SPAG16: variants seen among roughly 807,000 people sequenced by gnomAD.
The protein encoded by SPAG16 is sperm-associated antigen 16 protein.
SPAG16 carries 86 observed loss-of-function variants against 80.4 expected under a neutral mutation model. That is an observed-to-expected ratio of 1.07 (90% CI 0.90 to 1.28). The LOEUF (loss-of-function observed/expected upper bound fraction) is 1.28. Among genes scored for constraint, SPAG16 ranks in the 50% most tolerant of loss-of-function variants. The probability of loss-of-function intolerance (pLI) is 0.00; values close to 1 mark genes in which losing one functional copy is unlikely to be tolerated. For missense variants in SPAG16, 870 were observed against 765.3 expected (o/e 1.14, Z -1.61); for synonymous variants, 294 against 265.9 (o/e 1.11, Z -1.03).
intron 10 of SPAG16, among the ~76,000 whole-genome samples, chr2:213,591,757 A>G (rs1318680148): frequency 6.6e-6 from 1 of 152,166 alleles, no homozygotes; most frequent in African/African-American, 2.4e-5. Context: ...AAGAAGAAAC[A>G]TGAGGAGTAA....
chr2:214,127,629 A>G (rs1381561381), intron 14 of SPAG16, among the ~76,000 whole-genome samples: 2 of 151,846 alleles, frequency 1.3e-5, no homozygotes, highest in Non-Finnish European at 2.9e-5. Context: ...ATGGCAATGC[A>G]TTTTATTTTG....
At chr2:213,961,884 T>C (rs2044450921) in intron 12 of SPAG16, among the ~76,000 whole-genome samples, 1 of 152,160 alleles carries the variant, frequency 6.6e-6, no homozygotes, top group South Asian at 2.1e-4. Flanking sequence ...ATAAGTGTAA[T>C]ATCAACCTCA....
intron 6 of SPAG16, among the ~76,000 whole-genome samples, chr2:213,342,923 C>A (rs995496685): frequency 2.0e-5 from 3 of 151,628 alleles, no homozygotes; most frequent in African/African-American, 7.3e-5. Context: ...CAGATATAAC[C>A]CAAGCAGAGC....
At chr2:214,395,167 C>T (rs1255893143) in intron 15 of SPAG16, among the ~76,000 whole-genome samples, 1 of 152,186 alleles carries the variant, frequency 6.6e-6, no homozygotes, top group Non-Finnish European at 1.5e-5. Context: ...CTTCTATAAA[C>T]ATTCTTGTAC....
chr2:213,918,645 C>A (rs562465646), intron 11 of SPAG16, among the ~76,000 whole-genome samples: 3 of 152,080 alleles, frequency 2.0e-5, no homozygotes, highest in African/African-American at 7.2e-5. Flanking sequence ...GTAAGACATG[C>A]CTTTTACCTT....
intron 2 of SPAG16, 108 bp from the exon 3 acceptor site, chr2:213,297,154 G>T: frequency 1.4e-6 from 2 of 1,479,088 alleles, no homozygotes; most frequent in South Asian, 1.3e-5. Context: ...TTTACATAAA[G>T]TATTTCTTTG....
chr2:214,254,185 G>A (rs531628288), intron 15 of SPAG16, among the ~76,000 whole-genome samples: 1 of 152,182 alleles, frequency 6.6e-6, no homozygotes, highest in Non-Finnish European at 1.5e-5. Flanking sequence ...TCGATTTTGG[G>A]CTGAGATGAT....
intron 10 of SPAG16, among the ~76,000 whole-genome samples, chr2:213,674,605 A>T (rs572605578): frequency 6.7e-6 from 1 of 148,244 alleles, no homozygotes; most frequent in South Asian, 2.1e-4. Context: ...TCATTGTTCA[A>T]TTCCCACCTA....
intron 15 of SPAG16, among the ~76,000 whole-genome samples, chr2:214,203,595 A>T (rs1379822568): frequency 6.6e-6 from 1 of 152,072 alleles, no homozygotes; most frequent in Non-Finnish European, 1.5e-5. Flanking sequence ...ATTTGACCTT[A>T]CCTGGAGCTG....
intron 10 of SPAG16, among the ~76,000 whole-genome samples, chr2:213,598,930 A>G (rs918466225): frequency 1.3e-5 from 2 of 152,208 alleles, no homozygotes; most frequent in Admixed American, 6.5e-5. Flanking sequence ...TTGAATATGA[A>G]ATATTTGACT....
intron 9 of SPAG16, among the ~76,000 whole-genome samples, chr2:213,403,680 C>G (rs1470946339): frequency 1.3e-5 from 2 of 152,130 alleles, no homozygotes; most frequent in Non-Finnish European, 2.9e-5. Flanking sequence ...CATTCCTATT[C>G]AACATAGTGT....
intron 15 of SPAG16, among the ~76,000 whole-genome samples, chr2:214,250,751 T>TAG (rs751433547): frequency 0.046 from 4,477 of 98,380 alleles, 111 homozygotes; most frequent in Non-Finnish European, 0.064. Flanking sequence ...TATATATATA[T>TAG]ATATATAGAG....
chr2:213,664,144 G>A (rs116185814), intron 10 of SPAG16, among the ~76,000 whole-genome samples: 1 of 151,886 alleles, frequency 6.6e-6, no homozygotes, highest in African/African-American at 2.4e-5. Flanking sequence ...TTCTCCCTCT[G>A]TTTCCACTGT....
At chr2:214,271,861 A>G (rs899283056) in intron 15 of SPAG16, among the ~76,000 whole-genome samples, 15 of 143,480 alleles carry the variant, frequency 1.0e-4, no homozygotes, top group African/African-American at 3.7e-4. Flanking sequence ...CCAAAAAAAA[A>G]GAAAGAAAAA....
chr2:213,373,252 G>C (rs1408471001), intron 8 of SPAG16, among the ~76,000 whole-genome samples: 1 of 152,140 alleles, frequency 6.6e-6, no homozygotes, highest in African/African-American at 2.4e-5. Flanking sequence ...ATGTGATACA[G>C]ACTTTATTGT....
chr2:213,716,173 C>A (rs189334641), intron 10 of SPAG16, among the ~76,000 whole-genome samples: 1 of 151,764 alleles, frequency 6.6e-6, no homozygotes. Context: ...ATTTATAATA[C>A]TTTGATTTTT....
rs528304514 is a variant in SPAG16, at chr2:214,095,309, C to T, written c.1528-12887C>T. Reference sequence around the variant, plus strand: ...AGAGAAAGCAGACACACACAGAAACCCCCCCAGAAACCTTTTCTCCAGTTC... The same window carrying T: ...AGAGAAAGCAGACACACACAGAAACTCCCCCAGAAACCTTTTCTCCAGTTC... On this transcript the variant is annotated intron_variant, in intron 13 of 15. Transcript: ENST00000331683. 3.3e-5 allele frequency among the ~76,000 whole-genome samples: 5 copies of T among 152,016 alleles called. No individual in the cohort carries two copies. The South Asian group carries it at 1.0e-3, about 32-fold the overall frequency.
At chr2:213,360,410 C>T (rs773923985) in intron 7 of SPAG16, among the ~76,000 whole-genome samples, 1 of 152,216 alleles carries the variant, frequency 6.6e-6, no homozygotes, top group Non-Finnish European at 1.5e-5. Flanking sequence ...ACCCAAACTG[C>T]TAAGTGGCCA....
intron 15 of SPAG16, among the ~76,000 whole-genome samples, chr2:214,228,358 A>T (rs933281781): frequency 6.6e-6 from 1 of 151,926 alleles, no homozygotes; most frequent in Non-Finnish European, 1.5e-5. Flanking sequence ...ACAGCTGATC[A>T]AGTAATTTAT....
Sources: gnomAD v4.1 joint callset for allele counts (sites outside exome capture counted in the v4.1 genomes callset) on GRCh38, gnomAD v4.1.1 for gene constraint, MANE v1.5 for transcripts, NCBI Gene and HGNC (gene_info 2026-07-23, HGNC 2026-07-21) for gene names.